Variants in NOL4 observed in about 807,000 individuals in gnomAD.
NOL4 encodes the protein nucleolar protein 4.
Under a neutral mutation model 75.9 loss-of-function variants are expected in NOL4, and 17 were observed. The ratio of observed to expected loss-of-function variants is 0.22; its 90% CI spans 0.15 to 0.34. The LOEUF is 0.34. Among genes scored for constraint, NOL4 ranks in the 10% least tolerant of loss-of-function variants. The pLI, the probability that NOL4 is intolerant of heterozygous loss-of-function variation, is 1.00. For missense variants in NOL4, 614 were observed against 793.5 expected (o/e 0.77, Z 2.72); for synonymous variants, 292 against 289.9 (o/e 1.01, Z -0.07).
At chr18:33,970,548 T>C (rs2145867669) in intron 6 of NOL4, among the ~76,000 whole-genome samples, 1 of 152,294 alleles carries the variant, frequency 6.6e-6, no homozygotes, top group Non-Finnish European at 1.5e-5. Context: ...ATTATAAAAT[T>C]AAGGCCTATA....
intron 6 of NOL4, among the ~76,000 whole-genome samples, chr18:33,979,386 A>G (rs149555579): frequency 1.6e-3 from 246 of 152,178 alleles, no homozygotes; most frequent in African/African-American, 5.6e-3. Context: ...CAGATACAAT[A>G]TTATCCTTTA....
At chr18:34,012,334 T>G (rs1416204347) in intron 6 of NOL4, among the ~76,000 whole-genome samples, 1 of 151,892 alleles carries the variant, frequency 6.6e-6, no homozygotes, top group Non-Finnish European at 1.5e-5. Context: ...CATTTAAATT[T>G]AGATTGCAAT....
intron 2 of NOL4, among the ~76,000 whole-genome samples, chr18:34,123,701 TATATAGAG>T (rs2080259472): frequency 6.7e-6 from 1 of 148,320 alleles, no homozygotes. Flanking sequence ...TATATATGTA[TATATAGAG>T]AGATAGATGG....
chr18:33,926,787 A>T (rs1361723168), intron 9 of NOL4, among the ~76,000 whole-genome samples: 2 of 151,992 alleles, frequency 1.3e-5, no homozygotes, highest in Non-Finnish European at 2.9e-5. Flanking sequence ...TTTAGTAGAG[A>T]CGGGGTTTCA....
chr18:34,009,087 G>A (rs1298226431), intron 6 of NOL4, among the ~76,000 whole-genome samples: 1 of 151,652 alleles, frequency 6.6e-6, no homozygotes, highest in Non-Finnish European at 1.5e-5. Flanking sequence ...TCTAGCTGAG[G>A]TAGTGATCAG....
At chr18:33,888,355 C>T (rs1178271231) in intron 9 of NOL4, among the ~76,000 whole-genome samples, 1 of 152,010 alleles carries the variant, frequency 6.6e-6, no homozygotes, top group Non-Finnish European at 1.5e-5. Context: ...AGATTTTCTC[C>T]CATTCTGTAG....
intron 6 of NOL4, among the ~76,000 whole-genome samples, chr18:33,979,298 A>G (rs934383644): frequency 8.5e-5 from 13 of 152,076 alleles, no homozygotes; most frequent in Non-Finnish European, 4.4e-5. Context: ...AAAGAAGACA[A>G]TGATAACTAA....
At chr18:34,190,420 ATAAC>A (rs959297783) in intron 1 of NOL4, among the ~76,000 whole-genome samples, 3 of 152,030 alleles carry the variant, frequency 2.0e-5, no homozygotes, top group Admixed American at 6.6e-5. Context: ...TATTATATAA[ATAAC>A]TGTCAAATAA....
intron 5 of NOL4, among the ~76,000 whole-genome samples, chr18:34,039,014 G>A (rs762999300): frequency 5.3e-5 from 8 of 151,844 alleles, no homozygotes; most frequent in Non-Finnish European, 1.0e-4. Flanking sequence ...TATCACATAA[G>A]TATGTGAAGT....
chr18:34,007,872 T>C (rs949821995), intron 6 of NOL4, among the ~76,000 whole-genome samples: 1 of 151,960 alleles, frequency 6.6e-6, no homozygotes, highest in African/African-American at 2.4e-5. Flanking sequence ...AAGTTGCATA[T>C]GGGTGCCGAG....
At chr18:33,954,032 T>C (rs1321021117) in intron 8 of NOL4, among the ~76,000 whole-genome samples, 1 of 152,094 alleles carries the variant, frequency 6.6e-6, no homozygotes, top group Non-Finnish European at 1.5e-5. Context: ...ACTAATTCAG[T>C]AGAGTCATCC....
chr18:33,963,579 C>G (rs1247172671), intron 6 of NOL4, among the ~76,000 whole-genome samples: 1 of 151,966 alleles, frequency 6.6e-6, no homozygotes, highest in African/African-American at 2.4e-5. Context: ...AATAAAGATC[C>G]AAAGTTATTA....
At chr18:33,943,207 A>T (rs2068614301) in intron 8 of NOL4, 29 bp from the exon 9 acceptor site, 1 of 1,507,684 alleles carries the variant, frequency 6.6e-7, no homozygotes, top group Non-Finnish European at 9.2e-7. Context: ...AAGTATGAAA[A>T]AAATTATTAA....
intron 2 of NOL4, among the ~76,000 whole-genome samples, chr18:34,117,518 T>C (rs2079916340): frequency 6.6e-6 from 1 of 152,204 alleles, no homozygotes; most frequent in African/African-American, 2.4e-5. Flanking sequence ...CCTTTCTGAA[T>C]ACAAGGGTCA....
At chr18:33,932,324 T>G (rs988004202) in intron 9 of NOL4, among the ~76,000 whole-genome samples, 16 of 152,220 alleles carry the variant, frequency 1.1e-4, no homozygotes, top group Admixed American at 2.0e-4. Context: ...AATGCCATGT[T>G]TTTTAGGATT....
chr18:34,089,239 T>A (rs1158303074), intron 5 of NOL4, among the ~76,000 whole-genome samples: 1 of 152,078 alleles, frequency 6.6e-6, no homozygotes, highest in Non-Finnish European at 1.5e-5. Flanking sequence ...TACTTCAATT[T>A]CTCTAAATAA....
chr18:34,093,364 T>TA, intron 5 of NOL4, 101 bp downstream of exon 5: 1 of 1,229,806 alleles, frequency 8.1e-7, no homozygotes. Flanking sequence ...GGTAGATTTT[T>TA]AAAAATTGAC....
In NOL4 at chr18:34,176,607, C is replaced by T. The variant is rs531461248; in HGVS notation, c.264+46383G>A. 2.6e-5 allele frequency among the ~76,000 whole-genome samples: 4 copies of T among 152,078 alleles called. No individual in the cohort carries two copies. In the South Asian group the frequency reaches 8.3e-4, roughly 32 times the overall value. On this transcript the variant is annotated intron_variant, in intron 1 of 10. Coordinates refer to ENST00000261592, the MANE Select transcript of NOL4 (RefSeq NM_003787.5). ...GGAGGCAATTAGGGCTAAATGAGAT[C>T]ATAAGAATGGGCTCTCATAATAGGA...
intron 9 of NOL4, among the ~76,000 whole-genome samples, chr18:33,885,492 AT>A (rs2064583101): frequency 2.0e-5 from 3 of 152,150 alleles, no homozygotes. Context: ...TAATAATCTA[AT>A]TAAAAAATGA....
Sources: gnomAD v4.1 joint callset for allele counts (sites outside exome capture counted in the v4.1 genomes callset) on GRCh38, gnomAD v4.1.1 for gene constraint, MANE v1.5 for transcripts, NCBI Gene and HGNC (gene_info 2026-07-23, HGNC 2026-07-21) for gene names.